TEX11: variants seen among roughly 807,000 people sequenced by gnomAD.
TEX11 encodes the protein testis expressed 11, also known as testis-expressed protein 11.
Under a neutral mutation model 84.4 loss-of-function variants are expected in TEX11, and 7 were observed. That is an observed-to-expected ratio of 0.08 (90% CI 0.05 to 0.16). TEX11 has a LOEUF of 0.16. Ranked by LOEUF, TEX11 falls within the 10% of genes least tolerant of loss-of-function variation. TEX11 has a pLI of 1.00. For synonymous variants in TEX11, 264 were observed against 222.8 expected (o/e 1.18, Z -1.64); for missense variants, 551 against 660.5 (o/e 0.83, Z 1.82).
chrX:70,893,387 C>A (rs145391577), intron 2 of TEX11, among the ~76,000 whole-genome samples: 1 of 111,713 alleles, frequency 9.0e-6, no homozygotes, highest in Non-Finnish European at 1.9e-5. Context: ...GAACACAGTG[C>A]AATCAAATTA....
intron 17 of TEX11, among the ~76,000 whole-genome samples, chrX:70,640,265 T>A (rs919450006): frequency 9.3e-6 from 1 of 107,537 alleles, no homozygotes; most frequent in African/African-American, 3.4e-5. Flanking sequence ...AATATGGGAC[T>A]ATGTGAAAAG....
the TEX11 span, among the ~76,000 whole-genome samples, chrX:70,513,218 T>TG: frequency 1.2e-4 from 13 of 105,400 alleles, no homozygotes; most frequent in South Asian, 5.0e-3. Context: ...CCAGGCGTGG[T>TG]GGGGGGTGCC....
At position 70,880,045 on chromosome X, in the gene TEX11, G is replaced by C; in HGVS notation, c.102C>G (p.Leu34=). Residue 34 remains leucine, a synonymous_variant, in exon 3 of 30, where the codon CTC becomes CTG. Transcript: ENST00000374333. ...TGTTGATATTTGCTATGTCGCTGAA[G>C]AGTCTATCAATTGCCTCTGGTATGT... The part of the protein sequence containing the change: ...SPNIPEAIDR[L]FSDIANINRE... 8.4e-7 allele frequency: 1 copy of C among 1,184,240 alleles called. No individual in the cohort carries two copies. The highest frequency in any genetic ancestry group is 1.8e-5 in the South Asian group (1 of 54,651).
intron 2 of TEX11, among the ~76,000 whole-genome samples, chrX:70,890,657 G>T (rs1452336027): frequency 8.9e-6 from 1 of 112,147 alleles, no homozygotes; most frequent in Non-Finnish European, 1.9e-5. Flanking sequence ...GGGGGAGGGG[G>T]GTCTGCCATT....
In TEX11 at chrX:70,603,289, C is replaced by T. The variant is rs1281908337; in HGVS notation, c.2067+2112G>A. 5.6e-5 allele frequency among the ~76,000 whole-genome samples: 5 copies of T among 89,419 alleles called. No homozygotes were observed. In the East Asian group the frequency reaches 1.8e-3, roughly 32 times the overall value. 77.6% of individuals were successfully genotyped at this position (89,419 alleles called of 115,157 possible). ...AACAAAGCTGGAGGCATCACACTAC[C>T]TGACTTCAAACTATACTACAAGGCT... On this transcript the variant is annotated intron_variant, in intron 24 of 29. Coordinates refer to ENST00000374333, the MANE Select transcript of TEX11 (RefSeq NM_031276.3).
chrX:70,840,795 C>A (rs1488943151), intron 7 of TEX11, among the ~76,000 whole-genome samples: 9 of 111,450 alleles, frequency 8.1e-5, no homozygotes, highest in Non-Finnish European at 1.7e-4. Context: ...ATCTACCAAG[C>A]AAATGGAAAA....
In TEX11 at chrX:70,744,174, T is replaced by G; in HGVS notation, c.738A>C (p.Pro246=). 1 of 1,055,412 alleles carries G rather than the reference T, an allele frequency of 9.5e-7. No individual in the cohort carries two copies. Among genetic ancestry groups the G allele is most frequent in the Non-Finnish European group, 1.2e-6 (1 of 811,870 alleles). 87.0% of individuals were successfully genotyped at this position (1,055,412 alleles called of 1,213,427 possible). The change falls in exon 10 of 30, where the codon CCA becomes CCC. Residue 246 remains proline (P), a synonymous_variant. Transcript: ENST00000374333. ...TTAACATGATCCTTACCAGCATTTC[T>G]GGCCCAGTAGATTTCTTATCCATCT... ...IGKMDKKSTG[P]EMLAKVLRLL...
At chrX:70,553,722 T>C (rs931042444) in intron 26 of TEX11, among the ~76,000 whole-genome samples, 7 of 110,887 alleles carry the variant, frequency 6.3e-5, no homozygotes, top group African/African-American at 2.3e-4. Context: ...TGAATGACAG[T>C]CAAGGAAGGG....
At chrX:70,781,384 T>C (rs147153870) in intron 9 of TEX11, among the ~76,000 whole-genome samples, 7,931 of 110,896 alleles carry the variant, frequency 0.072, 236 homozygotes, top group East Asian at 0.13. Flanking sequence ...AAACTGAAAA[T>C]TCTAAAAACC....
At chrX:70,537,820 C>T (rs759759665) in intron 28 of TEX11, among the ~76,000 whole-genome samples, 4 of 111,034 alleles carry the variant, frequency 3.6e-5, no homozygotes, top group Non-Finnish European at 7.5e-5. Flanking sequence ...CTGTGAGGTA[C>T]AAGAATTGCT....
chrX:70,890,699 G>A (rs1602214504), intron 2 of TEX11, among the ~76,000 whole-genome samples: 2 of 112,329 alleles, frequency 1.8e-5, no homozygotes, highest in African/African-American at 6.4e-5. Flanking sequence ...CAAAGCAGCT[G>A]GGGAAACTAA....
intron 5 of TEX11, among the ~76,000 whole-genome samples, chrX:70,854,112 G>A (rs1369921191): frequency 8.9e-6 from 1 of 111,962 alleles, no homozygotes; most frequent in African/African-American, 3.2e-5. Flanking sequence ...AAACAATTGA[G>A]GGAAACCAAT....
intron 13 of TEX11, among the ~76,000 whole-genome samples, chrX:70,688,594 T>G (rs1238168570): frequency 9.1e-6 from 1 of 109,873 alleles, no homozygotes; most frequent in African/African-American, 3.3e-5. Flanking sequence ...AAGATGTGGT[T>G]GCCAGCATCT....
At chrX:70,518,969 A>G in the TEX11 span, among the ~76,000 whole-genome samples, 15 of 111,532 alleles carry the variant, frequency 1.3e-4, no homozygotes, top group African/African-American at 4.9e-4. Flanking sequence ...TTCTTGGTAG[A>G]TCTTCCTCCA....
At chrX:70,611,467 C>T (rs1445739939) in intron 20 of TEX11, among the ~76,000 whole-genome samples, 2 of 112,144 alleles carry the variant, frequency 1.8e-5, no homozygotes, top group African/African-American at 3.2e-5. Flanking sequence ...AATTAAAAGA[C>T]TCAGGAGGAC....
intron 9 of TEX11, among the ~76,000 whole-genome samples, chrX:70,753,868 A>G (rs1300636980): frequency 9.1e-6 from 1 of 110,071 alleles, no homozygotes; most frequent in Non-Finnish European, 1.9e-5. Flanking sequence ...CTCTTGAAGG[A>G]AAGGACCTAG....
intron 20 of TEX11, among the ~76,000 whole-genome samples, chrX:70,621,536 AAAAAAAAAAAAAAAAATATAT>A (rs1166053516): frequency 4.0e-4 from 14 of 34,863 alleles, no homozygotes; most frequent in Non-Finnish European, 6.3e-4. Flanking sequence ...AAAAAAAAAA[AAAAAAAAAAAAAAAAATATAT>A]ATATATATAT....
At chrX:70,816,464 A>G (rs973996936) in intron 8 of TEX11, among the ~76,000 whole-genome samples, 5 of 111,752 alleles carry the variant, frequency 4.5e-5, no homozygotes, top group African/African-American at 1.6e-4. Flanking sequence ...TAATCCCAGC[A>G]TTTTGGGAGG....
At chrX:70,888,363 T>C (rs919683677) in intron 2 of TEX11, among the ~76,000 whole-genome samples, 2 of 112,463 alleles carry the variant, frequency 1.8e-5, no homozygotes, top group African/African-American at 6.4e-5. Context: ...ATCAGCTAAA[T>C]TTAGCAAAGA....
Sources: gnomAD v4.1 joint callset for allele counts (sites outside exome capture counted in the v4.1 genomes callset) on GRCh38, gnomAD v4.1.1 for gene constraint, MANE v1.5 for transcripts, NCBI Gene and HGNC (gene_info 2026-07-23, HGNC 2026-07-21) for gene names.